TBCK: variants seen among roughly 807,000 people sequenced by gnomAD.
TBCK encodes TBC domain-containing protein kinase-like protein.
Under a neutral mutation model 113.4 loss-of-function variants are expected in TBCK, and 99 were observed. That is an observed-to-expected ratio of 0.87 (90% CI 0.74 to 1.03). TBCK has a LOEUF of 1.03. Ranked by LOEUF, TBCK falls within the 50% of genes least tolerant of loss-of-function variation. The probability of loss-of-function intolerance (pLI) is 0.00; values close to 1 mark genes in which losing one functional copy is unlikely to be tolerated. For missense variants in TBCK, 1,045 were observed against 1,061.3 expected (o/e 0.98, Z 0.21); for synonymous variants, 369 against 370.8 (o/e 1.00, Z 0.05).
rs1192508909 is a variant in TBCK at position 106,248,944 on chromosome 4, G to C, written c.697C>G (p.His233Asp). 3 of 1,607,826 alleles carry C rather than the reference G, an allele frequency of 1.9e-6. No homozygotes were observed. The highest frequency in any genetic ancestry group is 1.7e-5 in the Admixed American group (1 of 58,408). ...DDTLIVLAEE[H>D]GCLDIIKELP... ...ACCTTTATAATGTCCAAACAACCAT[G>C]CTCTTCAGCCAGAACTATTAAAGTG... Residue 233 changes from histidine (H) to aspartate (D), a missense_variant, in exon 8 of 26, where the codon CAT becomes GAT. Coordinates refer to ENST00000394708, the MANE Select transcript of TBCK (RefSeq NM_001163435.3).
chr4:106,212,957 T>G, intron 19 of TBCK, 122 bp from the exon 20 acceptor site: 1 of 643,102 alleles, frequency 1.6e-6, no homozygotes, highest in Non-Finnish European at 2.6e-6. Flanking sequence ...ATACTTTACG[T>G]GATAATTTTG....
intron 22 of TBCK, among the ~76,000 whole-genome samples, chr4:106,190,069 A>C (rs1167404840): frequency 6.6e-6 from 1 of 152,232 alleles, no homozygotes; most frequent in South Asian, 2.1e-4. Context: ...CATCACCATG[A>C]TAACTATTTA....
intron 3 of TBCK, among the ~76,000 whole-genome samples, chr4:106,280,898 G>A (rs1764522741): frequency 6.6e-6 from 1 of 152,058 alleles, no homozygotes; most frequent in South Asian, 2.1e-4. Flanking sequence ...GACAGCTGTT[G>A]CTATTCTGGA....
At chr4:106,289,235 G>A (rs1328148760) in intron 3 of TBCK, among the ~76,000 whole-genome samples, 3 of 152,172 alleles carry the variant, frequency 2.0e-5, no homozygotes, top group Non-Finnish European at 4.4e-5. Flanking sequence ...AGACAGAGCT[G>A]GGACTAGAGT....
intron 1 of TBCK, among the ~76,000 whole-genome samples, chr4:106,312,425 T>C (rs1768300238): frequency 6.6e-6 from 1 of 152,070 alleles, no homozygotes; most frequent in Non-Finnish European, 1.5e-5. Flanking sequence ...CTTTAACTTC[T>C]ACAATGGCTA....
chr4:106,282,100 C>A (rs1764655474), intron 3 of TBCK, among the ~76,000 whole-genome samples: 1 of 152,030 alleles, frequency 6.6e-6, no homozygotes, highest in African/African-American at 2.4e-5. Flanking sequence ...TAGGTCTGTT[C>A]AGGTTTTGGA....
intron 25 of TBCK, among the ~76,000 whole-genome samples, chr4:106,092,905 G>A (rs1301212465): frequency 1.3e-5 from 2 of 152,182 alleles, no homozygotes; most frequent in African/African-American, 4.8e-5. Flanking sequence ...CCGAGGAGGT[G>A]CCAAGAGTGA....
intron 25 of TBCK, among the ~76,000 whole-genome samples, chr4:106,078,682 A>G (rs1738509711): frequency 6.6e-6 from 1 of 152,106 alleles, no homozygotes; most frequent in Admixed American, 6.5e-5. Context: ...AGATGGATTC[A>G]CAGCCAAATT....
chr4:106,185,604 A>G (rs1056956295), intron 22 of TBCK, among the ~76,000 whole-genome samples: 4 of 152,130 alleles, frequency 2.6e-5, no homozygotes, highest in African/African-American at 9.7e-5. Flanking sequence ...AAAAGATTCC[A>G]TGATGATTCT....
intron 2 of TBCK, among the ~76,000 whole-genome samples, chr4:106,304,114 T>C (rs910903937): frequency 3.3e-5 from 5 of 152,284 alleles, no homozygotes; most frequent in African/African-American, 1.2e-4. Flanking sequence ...TGCCCCTCCC[T>C]CAAAGTATCT....
intron 2 of TBCK, among the ~76,000 whole-genome samples, chr4:106,308,499 C>T (rs182046877): frequency 1.3e-5 from 2 of 152,122 alleles, no homozygotes; most frequent in Non-Finnish European, 2.9e-5. Context: ...AGCAATACAT[C>T]GAAAGAGGAC....
At chr4:106,052,462 T>C (rs1734919465) in intron 25 of TBCK, among the ~76,000 whole-genome samples, 1 of 151,888 alleles carries the variant, frequency 6.6e-6, no homozygotes, top group Non-Finnish European at 1.5e-5. Context: ...CTGGGATATT[T>C]TGAAGCCATA....
chr4:106,234,129 T>C (rs1759188001), intron 15 of TBCK, among the ~76,000 whole-genome samples: 1 of 152,054 alleles, frequency 6.6e-6, no homozygotes, highest in Non-Finnish European at 1.5e-5. Context: ...GAAAAAAATA[T>C]TATTATTCTG....
At chr4:106,161,096 G>A (rs916757311) in intron 23 of TBCK, among the ~76,000 whole-genome samples, 2 of 151,906 alleles carry the variant, frequency 1.3e-5, no homozygotes, top group Non-Finnish European at 2.9e-5. Flanking sequence ...TTTACAAGAT[G>A]AAAAGAGTTA....
chr4:106,192,183 A>G (rs975857272), intron 22 of TBCK, among the ~76,000 whole-genome samples: 6 of 152,128 alleles, frequency 3.9e-5, no homozygotes, highest in African/African-American at 1.2e-4. Context: ...ATCTCCCTAT[A>G]AAGTATAAAA....
At chr4:106,149,132 G>C (rs918628533) in intron 23 of TBCK, among the ~76,000 whole-genome samples, 37 of 152,320 alleles carry the variant, frequency 2.4e-4, no homozygotes, top group Non-Finnish European at 4.9e-4. Flanking sequence ...AAGAGAGTTA[G>C]GGCTTTGCTC....
intron 12 of TBCK, among the ~76,000 whole-genome samples, chr4:106,239,806 G>T (rs1352251460): frequency 7.3e-5 from 11 of 151,006 alleles, no homozygotes; most frequent in Non-Finnish European, 1.3e-4. Flanking sequence ...AAACATTCAA[G>T]AAATAGATAC....
rs1165895467 is a variant in TBCK at position 106,248,953 on chromosome 4, C to T, written c.688G>A (p.Ala230Thr). 2 of 1,606,922 alleles carry T rather than the reference C, an allele frequency of 1.2e-6. No homozygotes were observed. Among genetic ancestry groups the T allele is most frequent in the African/African-American group, 2.7e-5 (2 of 74,352 alleles). ...ATGTCCAAACAACCATGCTCTTCAG[C>T]CAGAACTATTAAAGTGTCATCTACA... ...DCVDDTLIVL[A>T]EEHGCLDIIK... is the part of the protein sequence containing the mutation. The change falls in exon 8 of 26, where the codon GCT (alanine) becomes ACT (threonine). Residue 230 changes from alanine to threonine, a missense_variant. Transcript: ENST00000394708.
At chr4:106,066,443 G>A (rs1736648166) in intron 25 of TBCK, among the ~76,000 whole-genome samples, 1 of 152,020 alleles carries the variant, frequency 6.6e-6, no homozygotes, top group Non-Finnish European at 1.5e-5. Flanking sequence ...ATCAGAAAGT[G>A]TAGGGCTCAG....
Sources: gnomAD v4.1 joint callset for allele counts (sites outside exome capture counted in the v4.1 genomes callset) on GRCh38, gnomAD v4.1.1 for gene constraint, MANE v1.5 for transcripts, NCBI Gene and HGNC (gene_info 2026-07-23, HGNC 2026-07-21) for gene names.